RP1: variants seen among roughly 807,000 people sequenced by gnomAD.
The protein encoded by RP1 is RP1 axonemal microtubule associated, also known as oxygen-regulated protein 1.
Under a neutral mutation model 14.8 loss-of-function variants are expected in RP1, and 16 were observed. The ratio of observed to expected loss-of-function variants is 1.08; its 90% CI spans 0.73 to 1.65. RP1 has a LOEUF of 1.65. Ranked by LOEUF, RP1 falls within the 40% of genes most tolerant of loss-of-function variation. The pLI is 0.00. For missense variants in RP1, 2,631 were observed against 2,535.0 expected, an observed-to-expected ratio of 1.04 and a Z score of -0.81; for synonymous variants, 876 against 883.6, an observed-to-expected ratio of 0.99 and a Z score of 0.15.
chr8:54,855,453 A>T (rs1015741859), intron 26 of RP1, among the ~76,000 whole-genome samples: 3 of 152,222 alleles, frequency 2.0e-5, no homozygotes, highest in Non-Finnish European at 4.4e-5. Flanking sequence ...ATAAGCTAAA[A>T]CTTTAAAGAC....
At chr8:54,719,630 A>G (rs549448487) in intron 15 of RP1, among the ~76,000 whole-genome samples, 1 of 152,328 alleles carries the variant, frequency 6.6e-6, no homozygotes, top group South Asian at 2.1e-4. Context: ...CGATTCTTGA[A>G]TATTTTCCTC....
At chr8:54,783,627 G>A in exon 24 of RP1, 7 of 1,231,400 alleles carry the variant, frequency 5.7e-6, no homozygotes, top group Non-Finnish European at 5.1e-6. Context: ...TTATGTCTAT[G>A]GAGAAACAAA....
intron 12 of RP1, among the ~76,000 whole-genome samples, chr8:54,680,322 A>C (rs968499945): frequency 6.6e-6 from 1 of 152,198 alleles, no homozygotes; most frequent in Non-Finnish European, 1.5e-5. Context: ...TGTCATAATA[A>C]ATGTACAAAG....
chr8:54,764,393 C>T (rs576132384), intron 22 of RP1, among the ~76,000 whole-genome samples: 5 of 152,346 alleles, frequency 3.3e-5, no homozygotes, highest in African/African-American at 1.2e-4. Flanking sequence ...GCCTGGAGTC[C>T]TGTAGGCTTT....
In RP1 at chr8:54,626,293, A is replaced by G; in HGVS notation, c.2411A>G (p.His804Arg). 1 of 1,613,484 alleles carries G rather than the reference A, an allele frequency of 6.2e-7. No homozygotes were observed. The highest frequency in any genetic ancestry group is 1.7e-4 in the Middle Eastern group (1 of 6,052). The change falls in exon 4 of 4, where the codon CAC becomes CGC. Residue 804 changes from histidine to arginine, a missense_variant. Coordinates refer to ENST00000220676, the MANE Select transcript of RP1 (RefSeq NM_006269.2). Reference sequence around the variant, plus strand: ...GGTCAAAGAGATAAAGTGTTTCCTCACAATGAATCTAAATATTGCAAAAGT... The same window carrying G: ...GGTCAAAGAGATAAAGTGTTTCCTCGCAATGAATCTAAATATTGCAAAAGT... Reference protein sequence around the residue: ...EIGQRDKVFPHNESKYCKSTF... With the variant: ...EIGQRDKVFPRNESKYCKSTF...
At chr8:54,562,434 TC>T (rs1804306153) in intron 1 of RP1, among the ~76,000 whole-genome samples, 1 of 152,186 alleles carries the variant, frequency 6.6e-6, no homozygotes, top group Non-Finnish European at 1.5e-5. Flanking sequence ...ACGCCTGTAA[TC>T]CCAGCACTTT....
chr8:54,741,726 T>A (rs1324429957), intron 19 of RP1, among the ~76,000 whole-genome samples: 1 of 131,456 alleles, frequency 7.6e-6, no homozygotes, highest in Non-Finnish European at 1.6e-5. Context: ...TATATATATA[T>A]ATATATATAT....
At chr8:54,717,553 A>G (rs887073556) in intron 15 of RP1, among the ~76,000 whole-genome samples, 3 of 152,128 alleles carry the variant, frequency 2.0e-5, no homozygotes, top group Middle Eastern at 3.2e-3. Context: ...TGGTGGTGAA[A>G]TAAAAAGACT....
intron 6 of RP1, among the ~76,000 whole-genome samples, chr8:54,659,993 T>C (rs1038303556): frequency 3.3e-5 from 5 of 152,286 alleles, no homozygotes; most frequent in African/African-American, 1.2e-4. Context: ...GCAATTGTTT[T>C]CTTAATTTCT....
rs997085898 is a variant in RP1 at position 54,629,700 on chromosome 8, G to A, written c.5818G>A (p.Glu1940Lys). The change falls in exon 4 of 4, where the codon GAA becomes AAA. Residue 1940 changes from glutamate to lysine, a missense_variant. By Grantham distance (56) the Glu-to-Lys change is moderately conservative (BLOSUM62 1). Transcript: ENST00000220676. ...AGACCGAGGATTTGCATATCGCAAA[G>A]AATCTGATATTGAAAATTTCTTGGG... ...EEDRGFAYRK[E>K]SDIENFLGFY... The A allele has an allele frequency of 1.9e-6, 3 of 1,613,106 alleles. No homozygotes were observed. The highest frequency in any genetic ancestry group is 2.5e-6 in the Non-Finnish European group (3 of 1,179,662).
chr8:54,602,839 TG>T (rs1011910172), intron 1 of RP1, among the ~76,000 whole-genome samples: 56 of 152,368 alleles, frequency 3.7e-4, no homozygotes, highest in African/African-American at 1.3e-3. Flanking sequence ...TGTCTTCTTT[TG>T]AGAAGTGTCT....
chr8:54,623,731 C>T (rs1805945497), intron 3 of RP1, among the ~76,000 whole-genome samples: 1 of 152,168 alleles, frequency 6.6e-6, no homozygotes, highest in Non-Finnish European at 1.5e-5. Flanking sequence ...TCAGCTGCAA[C>T]GATTATACAA....
At chr8:54,786,061 A>AT (rs1810310631) in intron 24 of RP1, among the ~76,000 whole-genome samples, 1 of 151,958 alleles carries the variant, frequency 6.6e-6, no homozygotes, top group African/African-American at 2.4e-5. Context: ...ATGTTTTACA[A>AT]TTTTTTCTCC....
intron 15 of RP1, among the ~76,000 whole-genome samples, chr8:54,713,486 C>T (rs1389817552): frequency 6.6e-6 from 1 of 152,126 alleles, no homozygotes; most frequent in Non-Finnish European, 1.5e-5. Flanking sequence ...AGACATACCC[C>T]ACACTGGCAG....
rs116170845 is a variant in RP1 at position 54,862,304 on chromosome 8, C to T, written c.4070-3531C>T. On this transcript the variant is annotated intron_variant, in intron 27 of 28. Transcript: ENST00000637698. ...CAGTATATAAGAACTTCTATTACGT[C>T]ATATGCTCGCCAACACCTGGTACAC... is the stretch of plus-strand genomic sequence containing the variant. Among the ~76,000 whole-genome samples the T allele has an allele frequency of 6.0e-3, 919 of 152,290 alleles. 9 individuals are homozygous for T. Among genetic ancestry groups the T allele is most frequent in the African/African-American group, 0.021 (871 of 41,556 alleles).
chr8:54,668,842 T>A (rs1420337384), intron 7 of RP1, among the ~76,000 whole-genome samples: 3 of 152,194 alleles, frequency 2.0e-5, no homozygotes, highest in African/African-American at 7.2e-5. Flanking sequence ...AAGCTGAAAC[T>A]GGATCCCTTC....
intron 17 of RP1, among the ~76,000 whole-genome samples, chr8:54,734,148 G>A (rs763576485): frequency 2.7e-4 from 41 of 152,040 alleles, no homozygotes; most frequent in Non-Finnish European, 5.3e-4. Context: ...GTGAAAACAT[G>A]TTTTAATTCC....
At chr8:54,622,687 G>A (rs1314914791) in intron 3 of RP1, among the ~76,000 whole-genome samples, 1 of 152,218 alleles carries the variant, frequency 6.6e-6, no homozygotes, top group East Asian at 1.9e-4. Context: ...CAGAATGACT[G>A]TATTTTTTCA....
At chr8:54,760,711 C>T (rs1028947649) in intron 22 of RP1, among the ~76,000 whole-genome samples, 2 of 152,136 alleles carry the variant, frequency 1.3e-5, no homozygotes, top group Admixed American at 1.3e-4. Flanking sequence ...CCTATAATTA[C>T]CTAAACAAGT....
Sources: allele counts gnomAD v4.1 joint callset (sites outside exome capture counted in the v4.1 genomes callset), GRCh38; gene constraint gnomAD v4.1.1; transcripts MANE v1.5; gene names NCBI Gene and HGNC (gene_info 2026-07-23, HGNC 2026-07-21).